The following MROH9 variants were observed in gnomAD, a reference collection of about 807,000 sequenced individuals.
MROH9 encodes the protein maestro heat-like repeat-containing protein family member 9.
MROH9 carries 92 observed loss-of-function variants against 98.2 expected under a neutral mutation model. That is an observed-to-expected ratio of 0.94 (90% CI 0.79 to 1.11). The LOEUF is 1.11. Among genes scored for constraint, MROH9 ranks in the 50% most tolerant of loss-of-function variants. The pLI, the probability that MROH9 is intolerant of heterozygous loss-of-function variation, is 0.00. For synonymous variants in MROH9, 397 were observed against 368.9 expected (o/e 1.08, Z -0.87); for missense variants, 1,057 against 1,014.8 (o/e 1.04, Z -0.57).
At chr1:171,019,582 C>T (rs192476885) in intron 17 of MROH9, among the ~76,000 whole-genome samples, 19 of 150,170 alleles carry the variant, frequency 1.3e-4, no homozygotes, top group Admixed American at 1.0e-3. Flanking sequence ...ACCCAGGAGG[C>T]GGAGGTTGCA....
At chr1:170,942,704 T>C (rs935609194) in intron 1 of MROH9, among the ~76,000 whole-genome samples, 5 of 152,146 alleles carry the variant, frequency 3.3e-5, no homozygotes, top group African/African-American at 9.7e-5. Flanking sequence ...AGATGACTGA[T>C]ACTTTTCCTG....
At chr1:171,058,838 AT>A (rs1653929766) in intron 20 of MROH9, among the ~76,000 whole-genome samples, 1 of 152,248 alleles carries the variant, frequency 6.6e-6, no homozygotes, top group African/African-American at 2.4e-5. Flanking sequence ...TTATACAAAA[AT>A]TAACTCAACA....
intron 20 of MROH9, among the ~76,000 whole-genome samples, chr1:171,035,251 C>A (rs1407652456): frequency 2.0e-5 from 3 of 150,486 alleles, no homozygotes; most frequent in African/African-American, 7.3e-5. Context: ...ACAAAAAATC[C>A]AATAGATCAA....
chr1:171,040,137 T>G (rs956187460), intron 20 of MROH9, among the ~76,000 whole-genome samples: 7 of 152,088 alleles, frequency 4.6e-5, no homozygotes, highest in African/African-American at 1.4e-4. Flanking sequence ...CTCACTTATA[T>G]GTGAAATCTT....
chr1:170,987,599 C>T (rs1002666051), intron 10 of MROH9, among the ~76,000 whole-genome samples: 1 of 152,084 alleles, frequency 6.6e-6, no homozygotes, highest in South Asian at 2.1e-4. Context: ...TTTTACTATC[C>T]ATACATATAT....
chr1:171,062,332 T>C, intron 21 of MROH9, 138 bp downstream of exon 21: 1 of 619,116 alleles, frequency 1.6e-6, no homozygotes, highest in Non-Finnish European at 2.8e-6. Flanking sequence ...GTTGGATAAT[T>C]ACGGAAGAAT....
At chr1:171,014,905 C>T (rs898045719) in intron 16 of MROH9, 47 of 456,076 alleles carry the variant, frequency 1.0e-4, no homozygotes, top group African/African-American at 8.6e-4. Context: ...GCCCACCAAT[C>T]TGTGTTTTAA....
chr1:170,981,420 C>T (rs559546344), intron 8 of MROH9, among the ~76,000 whole-genome samples: 2 of 152,272 alleles, frequency 1.3e-5, no homozygotes, highest in East Asian at 3.9e-4. Context: ...CACTGGAATA[C>T]TATGCAGGCA....
At chr1:170,992,124 A>C in intron 11 of MROH9, 40 bp from the exon 12 acceptor site, 2 of 1,545,620 alleles carry the variant, frequency 1.3e-6, no homozygotes, top group Non-Finnish European at 1.7e-6. Flanking sequence ...GGACATGACA[A>C]ACATGATTCT....
chr1:170,950,139 T>A (rs1649492342), intron 3 of MROH9, among the ~76,000 whole-genome samples: 1 of 152,020 alleles, frequency 6.6e-6, no homozygotes, highest in Non-Finnish European at 1.5e-5. Flanking sequence ...GGTTATAAAT[T>A]CATAGATCCT....
intron 12 of MROH9, among the ~76,000 whole-genome samples, chr1:170,992,954 G>T (rs941456558): frequency 6.6e-6 from 1 of 152,112 alleles, no homozygotes; most frequent in Non-Finnish European, 1.5e-5. Context: ...CACCACTCCT[G>T]GGAGTAAATT....
intron 20 of MROH9, among the ~76,000 whole-genome samples, chr1:171,041,394 T>TGTGTGTGTGTGTA (rs1553222167): frequency 1.2e-5 from 1 of 80,348 alleles, no homozygotes; most frequent in African/African-American, 4.1e-5. Context: ...TGTGTATGTA[T>TGTGTGTGTGTGTA]TGGTCAAGAT....
At chr1:170,947,472 G>A in intron 2 of MROH9, 55 bp from the exon 3 acceptor site, 1 of 1,486,592 alleles carries the variant, frequency 6.7e-7, no homozygotes, top group Non-Finnish European at 9.3e-7. Context: ...GCCCCACTAA[G>A]ATGATAGGAG....
Position 171,062,206 on chromosome 1 carries a change from G to A in MROH9, c.2344+12G>A, listed in dbSNP as rs1654036267. ...AGTCATGCTTGATGGTGAGTATTGA[G>A]GTTATAACAAAATCTTTATGCATAA... On this transcript the variant is annotated intron_variant, in intron 21 of 21. Transcript: ENST00000367759. 1.3e-6 allele frequency: 2 copies of A among 1,527,890 alleles called. No homozygotes were observed. The highest frequency in any genetic ancestry group is 2.0e-5 in the Admixed American group (1 of 49,946). The allele number at this position is 1,527,890 out of a possible 1,614,324, so 94.6% of individuals were successfully genotyped here.
chr1:171,039,810 C>T (rs887072594), intron 20 of MROH9, among the ~76,000 whole-genome samples: 11 of 152,106 alleles, frequency 7.2e-5, no homozygotes, highest in African/African-American at 2.2e-4. Context: ...TAATAAAGGA[C>T]GTCCCACAAA....
At chr1:170,977,196 A>G (rs1317230722) in intron 8 of MROH9, among the ~76,000 whole-genome samples, 1 of 152,134 alleles carries the variant, frequency 6.6e-6, no homozygotes, top group Admixed American at 6.6e-5. Flanking sequence ...CTGAATCTCA[A>G]TGATCTTCAT....
At chr1:171,059,696 G>A (rs926311810) in intron 20 of MROH9, among the ~76,000 whole-genome samples, 21 of 152,154 alleles carry the variant, frequency 1.4e-4, no homozygotes, top group Non-Finnish European at 2.8e-4. Context: ...ATACTATCCA[G>A]CCATAAAAAG....
chr1:170,958,544 T>C lies in MROH9; in HGVS notation c.152+4T>C, dbSNP rs1252415871. ...TGATCCTGGCTGTGAACTCCAGGTA[T>C]GATAAGCTATCATGCTCTTTTATTT... On this transcript the variant is annotated splice_donor_region_variant and intron_variant, in intron 4 of 21. Coordinates refer to ENST00000367759, the MANE Select transcript of MROH9 (RefSeq NM_001163629.2). 7.0e-6 allele frequency: 11 copies of C among 1,569,882 alleles called. No homozygotes were observed. Among genetic ancestry groups the C allele is most frequent in the South Asian group, 3.5e-5 (3 of 86,056 alleles).
chr1:170,993,506 G>C (rs1557888973), intron 12 of MROH9, among the ~76,000 whole-genome samples: 1 of 152,128 alleles, frequency 6.6e-6, no homozygotes, highest in Non-Finnish European at 1.5e-5. Context: ...CATCAGTATT[G>C]TTTCCTCCAA....
Sources: allele counts gnomAD v4.1 joint callset (sites outside exome capture counted in the v4.1 genomes callset), GRCh38; gene constraint gnomAD v4.1.1; transcripts MANE v1.5; gene names NCBI Gene and HGNC (gene_info 2026-07-23, HGNC 2026-07-21).